Variants in PDIA4 observed in about 807,000 individuals in gnomAD.
The protein encoded by PDIA4 is protein disulfide-isomerase A4.
In PDIA4, 33 loss-of-function variants were observed where a neutral mutation model predicts 62.1. The observed-to-expected ratio is 0.53, with a 90% CI of 0.40 to 0.71. The LOEUF (loss-of-function observed/expected upper bound fraction) is 0.71, where lower values mean the gene tolerates loss of function less well. Among genes scored for constraint, PDIA4 ranks in the 30% least tolerant of loss-of-function variants. The probability of loss-of-function intolerance (pLI) is 0.00; values close to 1 mark genes in which losing one functional copy is unlikely to be tolerated. For missense variants in PDIA4, 804 were observed against 813.6 expected (o/e 0.99, Z 0.14); for synonymous variants, 341 against 324.1 (o/e 1.05, Z -0.56).
chr7:149,008,181 C>T lies in PDIA4; in HGVS notation c.1109G>A (p.Arg370Gln), dbSNP rs771073133. 6 of 1,613,922 alleles carry T rather than the reference C, an allele frequency of 3.7e-6. No homozygotes were observed. Among genetic ancestry groups the T allele is most frequent in the South Asian group, 3.3e-5 (3 of 91,046 alleles). The part of the protein sequence containing the change: ...PEKFQSKYEP[R>Q]SHMMDVQGST... ...TACCTGGACGTCCATCATGTGGCTC[C>T]GGGGCTCATACTTGGACTGGAATTT... The change falls in exon 7 of 10, where the codon CGG (arginine) becomes CAG (glutamine). Residue 370 changes from arginine to glutamine, a missense_variant. By Grantham distance (43) the Arg-to-Gln change is conservative (BLOSUM62 1). Transcript: ENST00000652332.
intron 2 of PDIA4, 66 bp from the exon 3 acceptor site, chr7:149,019,263 A>C: frequency 1.8e-6 from 2 of 1,110,538 alleles, no homozygotes; most frequent in Non-Finnish European, 2.8e-6. Flanking sequence ...TCCAACAATA[A>C]TACATACCAC....
chr7:149,012,965 T>A (rs1235883093), intron 4 of PDIA4, among the ~76,000 whole-genome samples: 1 of 152,018 alleles, frequency 6.6e-6, no homozygotes, highest in African/African-American at 2.4e-5. Flanking sequence ...CCACAAGAAC[T>A]GGCCGGGCGC....
intron 4 of PDIA4, among the ~76,000 whole-genome samples, chr7:149,013,631 C>T (rs1335762993): frequency 6.6e-6 from 1 of 152,092 alleles, no homozygotes; most frequent in Non-Finnish European, 1.5e-5. Context: ...ATGATGGTGC[C>T]ACTGTACTCC....
rs1823977011 is a variant in PDIA4 at position 149,012,353 on chromosome 7, G to A, written c.622C>T (p.His208Tyr). 6.2e-7 allele frequency: 1 copy of A among 1,612,730 alleles called. No individual in the cohort carries two copies. Among genetic ancestry groups the A allele is most frequent in the African/African-American group, 1.3e-5 (1 of 74,994 alleles). The part of the protein sequence containing the change: ...LVEFYAPWCG[H>Y]CKKLAPEYEK... ...TACTCGGGGGCAAGTTTCTTGCAGT[G>A]TCCACACCTGCCAAGAGGAAACTGG... Residue 208 changes from histidine to tyrosine, a missense_variant, in exon 5 of 10, where the codon CAC becomes TAC. Physicochemically the swap from His to Tyr is moderately conservative, Grantham distance 83. Coordinates refer to ENST00000652332, the MANE Select transcript of PDIA4 (RefSeq NM_004911.5).
At chr7:149,025,021 G>C (rs1824497388) in intron 1 of PDIA4, among the ~76,000 whole-genome samples, 1 of 137,744 alleles carries the variant, frequency 7.3e-6, no homozygotes, top group Non-Finnish European at 1.5e-5. Context: ...CTACTCGAGA[G>C]ATGACGCCAT....
Position 149,008,112 on chromosome 7 carries a change from A to G in PDIA4, c.1131+47T>C, listed in dbSNP as rs760952289. On this transcript the variant is annotated intron_variant, in intron 7 of 9. Transcript: ENST00000652332. ...AGAGGTGGCTCAAAGCAGAGTCCTC[A>G]TGCCTGCGGGGTGTCCAGGGCTGGC... 15 of 1,583,378 alleles carry G rather than the reference A, an allele frequency of 9.5e-6. 1 individual carries two copies. Among genetic ancestry groups the G allele is most frequent in the South Asian group, 8.0e-5 (7 of 87,172 alleles).
chr7:149,022,438 G>A (rs1824385048), intron 1 of PDIA4, among the ~76,000 whole-genome samples: 1 of 152,130 alleles, frequency 6.6e-6, no homozygotes, highest in East Asian at 1.9e-4. Context: ...CAAAGAACAT[G>A]GAATTGCCAT....
At chr7:149,011,369 G>A (rs1264063466) in intron 6 of PDIA4, among the ~76,000 whole-genome samples, 2 of 152,182 alleles carry the variant, frequency 1.3e-5, no homozygotes, top group African/African-American at 4.8e-5. Flanking sequence ...AGCAAGACTA[G>A]CATTTATAAT....
chr7:149,025,578 C>T (rs1210797551), intron 1 of PDIA4, among the ~76,000 whole-genome samples: 1 of 152,146 alleles, frequency 6.6e-6, no homozygotes, highest in Non-Finnish European at 1.5e-5. Flanking sequence ...TATATTGTAT[C>T]TTACAGATGA....
At chr7:149,009,129 C>T (rs1823859704) in intron 6 of PDIA4, among the ~76,000 whole-genome samples, 1 of 152,132 alleles carries the variant, frequency 6.6e-6, no homozygotes, top group South Asian at 2.1e-4. Flanking sequence ...CAGGGTTTCA[C>T]CATGTTGGCC....
chr7:149,026,009 T>A (rs116810319), intron 1 of PDIA4, among the ~76,000 whole-genome samples: 1 of 151,914 alleles, frequency 6.6e-6, no homozygotes, highest in Non-Finnish European at 1.5e-5. Context: ...GTGTATTTAG[T>A]AACCATGTTG....
At chr7:149,017,665 C>T (rs1563122619) in intron 3 of PDIA4, among the ~76,000 whole-genome samples, 1 of 149,436 alleles carries the variant, frequency 6.7e-6, no homozygotes, top group Non-Finnish European at 1.5e-5. Flanking sequence ...AAATAAAATA[C>T]ATTTTATCAA....
chr7:149,022,998 G>A (rs1824410018), intron 1 of PDIA4, among the ~76,000 whole-genome samples: 1 of 152,164 alleles, frequency 6.6e-6, no homozygotes, highest in Admixed American at 6.5e-5. Flanking sequence ...TCTTTTGTCG[G>A]AGGAGGGAGA....
At position 149,006,068 on chromosome 7, in the gene PDIA4, G is replaced by A. The variant is rs745692751; in HGVS notation, c.1132-15C>T. The A allele has an allele frequency of 3.9e-6, 6 of 1,546,510 alleles. No homozygotes were observed. The highest frequency in any genetic ancestry group is 1.3e-5 in the South Asian group (1 of 79,256). ...TGGGTGGAGCCCTGCTTCAAAGAGG[G>A]AACAGGTGAGGGGGCCCACCATCTC... On this transcript the variant is annotated splice_polypyrimidine_tract_variant and intron_variant, in intron 7 of 9. Coordinates refer to ENST00000652332, the MANE Select transcript of PDIA4 (RefSeq NM_004911.5).
intron 7 of PDIA4, among the ~76,000 whole-genome samples, 200 bp downstream of exon 7, chr7:149,007,959 C>T (rs1357698006): frequency 6.6e-6 from 1 of 152,256 alleles, no homozygotes; most frequent in Non-Finnish European, 1.5e-5. Flanking sequence ...GCGGGAGCCC[C>T]AGCCCTGTCC....
Position 149,003,698 on chromosome 7 carries a change from A to T in PDIA4, c.*96T>A. 1 of 804,136 alleles carries T rather than the reference A, an allele frequency of 1.2e-6. No individual in the cohort carries two copies. Among genetic ancestry groups the T allele is most frequent in the Non-Finnish European group, 1.8e-6 (1 of 541,982 alleles). 49.8% of individuals were successfully genotyped at this position (804,136 alleles called of 1,614,324 possible). ...TTAAAAAAAAAAAAAAAGGAATCCG[A>T]GATACTGTCGTTTGTTGCCGGCCTC... On this transcript the variant is annotated 3_prime_UTR_variant, in exon 10 of 10. Transcript: ENST00000652332.
rs1563122616 is a variant in PDIA4, at chr7:149,017,663, TACA to T, written c.475+1326_475+1328del. ...TTAAATACATTTTATCAAAATAAAA[TACA>T]TTTTATCAAAATAAAATACATTTTA... is the stretch of plus-strand genomic sequence containing the variant. On this transcript the variant is annotated intron_variant, in intron 3 of 9. Coordinates refer to ENST00000652332, the MANE Select transcript of PDIA4 (RefSeq NM_004911.5). Among the ~76,000 whole-genome samples the T allele has an allele frequency of 3.3e-3, 506 of 151,804 alleles. 3 individuals are homozygous for T. The highest frequency in any genetic ancestry group is 0.011 in the African/African-American group (464 of 41,138).
chr7:149,009,724 T>C (rs538596512), intron 6 of PDIA4, among the ~76,000 whole-genome samples: 17 of 152,290 alleles, frequency 1.1e-4, no homozygotes, highest in Non-Finnish European at 8.8e-5. Flanking sequence ...GCTGCTGCAG[T>C]GTGAAAGCAG....
At position 149,015,064 on chromosome 7, in the gene PDIA4, T is replaced by C. The variant is rs769709789; in HGVS notation, c.476-22A>G. ...ATTTCTGAAAGAAACCAAGCAAGAC[T>C]GAGCACACAAGGCCCAAACTGGCAG... On this transcript the variant is annotated intron_variant, in intron 3 of 9. Coordinates refer to ENST00000652332, the MANE Select transcript of PDIA4 (RefSeq NM_004911.5). The C allele has an allele frequency of 2.5e-6, 4 of 1,613,600 alleles. No homozygotes were observed. The East Asian group carries it at 6.7e-5, about 27-fold the overall frequency.
Sources: gnomAD v4.1 joint callset for allele counts (sites outside exome capture counted in the v4.1 genomes callset) on GRCh38, gnomAD v4.1.1 for gene constraint, MANE v1.5 for transcripts, NCBI Gene and HGNC (gene_info 2026-07-23, HGNC 2026-07-21) for gene names.